The following MAF variants were observed in gnomAD, a reference collection of about 807,000 sequenced individuals.
MAF encodes transcription factor Maf.
Under a neutral mutation model 22.0 loss-of-function variants are expected in MAF, and 10 were observed. The ratio of observed to expected loss-of-function variants is 0.45; its 90% confidence interval spans 0.28 to 0.77. The LOEUF (loss-of-function observed/expected upper bound fraction) is 0.77, where lower values mean the gene tolerates loss of function less well. MAF is among the 30% of genes least tolerant of loss of function. The probability of loss-of-function intolerance (pLI) is 0.12; values close to 1 mark genes in which losing one functional copy is unlikely to be tolerated. For synonymous variants in MAF, 337 were observed against 255.8 expected, an observed-to-expected ratio of 1.32 and a Z score of -3.03; for missense variants, 544 against 548.4, an observed-to-expected ratio of 0.99 and a Z score of 0.08.
At chr16:79,554,591 G>A in the MAF span, among the ~76,000 whole-genome samples, 2 of 152,078 alleles carry the variant, frequency 1.3e-5, no homozygotes, top group South Asian at 4.2e-4. Flanking sequence ...ACAAGTGAGG[G>A]CCCCTTTGTC....
chr16:79,227,343 CCT>C, the MAF span, among the ~76,000 whole-genome samples: 1 of 151,982 alleles, frequency 6.6e-6, no homozygotes, highest in Admixed American at 6.6e-5. Context: ...AGAAGGATAC[CCT>C]GTCTCACACA....
the MAF span, among the ~76,000 whole-genome samples, chr16:79,542,095 T>C: frequency 6.6e-5 from 10 of 152,206 alleles, 1 homozygote; most frequent in Admixed American, 6.5e-4. Flanking sequence ...TTTCAGTCTT[T>C]GGTGACAATT....
At chr16:79,461,413 C>T in the MAF span, among the ~76,000 whole-genome samples, 4 of 152,140 alleles carry the variant, frequency 2.6e-5, no homozygotes, top group African/African-American at 9.7e-5. Context: ...CTCCTTTACC[C>T]GATGGCTCCA....
the MAF span, among the ~76,000 whole-genome samples, chr16:79,257,121 G>A: frequency 1.4e-4 from 21 of 152,192 alleles, no homozygotes; most frequent in Admixed American, 5.2e-4. Flanking sequence ...AGGTTGCAGT[G>A]AGCCAAGATC....
At chr16:79,446,313 C>T in the MAF span, among the ~76,000 whole-genome samples, 1 of 152,040 alleles carries the variant, frequency 6.6e-6, no homozygotes, top group Non-Finnish European at 1.5e-5. Context: ...TTTGAACAGT[C>T]GCTTGTCCTC....
the MAF span, among the ~76,000 whole-genome samples, chr16:79,338,288 G>T: frequency 6.6e-6 from 1 of 152,164 alleles, no homozygotes; most frequent in South Asian, 2.1e-4. Flanking sequence ...GGCATTTAGG[G>T]GCTAAATCAC....
chr16:79,333,174 G>T, the MAF span, among the ~76,000 whole-genome samples: 2 of 152,186 alleles, frequency 1.3e-5, no homozygotes, highest in African/African-American at 4.8e-5. Flanking sequence ...CCTGGCTCTG[G>T]ACTGCGTTGT....
the MAF span, among the ~76,000 whole-genome samples, chr16:79,244,970 G>A: frequency 7.9e-5 from 12 of 152,122 alleles, 1 homozygote; most frequent in African/African-American, 1.4e-4. Context: ...ATGGGGAAAG[G>A]TTTCCCTATT....
the MAF span, among the ~76,000 whole-genome samples, chr16:79,475,405 G>C: frequency 7.0e-6 from 1 of 142,558 alleles, no homozygotes; most frequent in Non-Finnish European, 1.5e-5. Context: ...AAGTAGATTT[G>C]GGAGGCAAAT....
the MAF span, among the ~76,000 whole-genome samples, chr16:79,362,819 A>T: frequency 6.6e-6 from 1 of 152,244 alleles, no homozygotes; most frequent in Non-Finnish European, 1.5e-5. Context: ...ACCTGCTCAA[A>T]GCAAGTGCTT....
the MAF span, among the ~76,000 whole-genome samples, chr16:79,557,759 A>G: frequency 2.0e-5 from 3 of 152,094 alleles, no homozygotes; most frequent in African/African-American, 7.3e-5. Context: ...ATATGTGTTA[A>G]GTGCCTACTG....
At chr16:79,570,293 C>A in the MAF span, among the ~76,000 whole-genome samples, 1 of 151,978 alleles carries the variant, frequency 6.6e-6, no homozygotes, top group East Asian at 1.9e-4. Flanking sequence ...CCAAAATGTC[C>A]TGTTATCCCC....
At position 79,600,276 on chromosome 16, in the gene MAF, G is replaced by GTGCGCGGCGTCCCCCGCTCGCCGCTCCGC. The variant is rs1913947187; in HGVS notation, c.-403_-375dup. Reference sequence around the variant, plus strand: ...GGCGAAGCTGGAGGAGCCCGGCCCGGTGCGCGGCGTCCCCCGCTCGCCGCT... The same window carrying GTGCGCGGCGTCCCCCGCTCGCCGCTCCGC: ...GGCGAAGCTGGAGGAGCCCGGCCCGGTGCGCGGCGTCCCCCGCTCGCCGCTCCGCTGCGCGGCGTCCCCCGCTCGCCGCT... On this transcript the variant is annotated 5_prime_UTR_variant, in exon 1 of 2. An upstream open reading frame in the 5' UTR loses its in-frame stop. Transcript: ENST00000326043. 4.4e-6 allele frequency: 1 copy of GTGCGCGGCGTCCCCCGCTCGCCGCTCCGC among 229,510 alleles called. No homozygotes were observed. Among genetic ancestry groups the GTGCGCGGCGTCCCCCGCTCGCCGCTCCGC allele is most frequent in the Admixed American group, 6.0e-5 (1 of 16,750 alleles). 14.2% of individuals were successfully genotyped at this position (229,510 alleles called of 1,614,324 possible). A position where few individuals can be genotyped will look rare whatever the true frequency, so the allele number is the denominator to read the frequency against.
chr16:79,283,178 A>T, the MAF span, among the ~76,000 whole-genome samples: 1 of 152,204 alleles, frequency 6.6e-6, no homozygotes, highest in South Asian at 2.1e-4. Context: ...GGATAGATGG[A>T]CGGATGAATG....
chr16:79,213,760 A>G, the MAF span, among the ~76,000 whole-genome samples: 1 of 151,876 alleles, frequency 6.6e-6, no homozygotes, highest in South Asian at 2.1e-4. Flanking sequence ...TCAGAGGAGA[A>G]GAAACTGCAC....
the MAF span, among the ~76,000 whole-genome samples, chr16:79,307,972 A>G: frequency 6.6e-6 from 1 of 152,214 alleles, no homozygotes; most frequent in Non-Finnish European, 1.5e-5. Context: ...ATTTGCAAAA[A>G]CAGAACTACC....
the MAF span, among the ~76,000 whole-genome samples, chr16:79,548,496 G>A: frequency 1.3e-5 from 2 of 152,174 alleles, no homozygotes; most frequent in African/African-American, 2.4e-5. Context: ...TCAATCTCTG[G>A]ATTTAAAGAT....
At chr16:79,383,435 G>T in the MAF span, among the ~76,000 whole-genome samples, 1 of 152,132 alleles carries the variant, frequency 6.6e-6, no homozygotes, top group East Asian at 1.9e-4. Context: ...ATGGGTTTCA[G>T]AATCTATATG....
the MAF span, among the ~76,000 whole-genome samples, chr16:79,233,860 TG>T: frequency 1.3e-5 from 2 of 151,720 alleles, no homozygotes; most frequent in African/African-American, 4.8e-5. Context: ...GGTGTGGTGG[TG>T]GGCACCTGTA....
Sources: gnomAD v4.1 joint callset for allele counts (sites outside exome capture counted in the v4.1 genomes callset) on GRCh38, gnomAD v4.1.1 for gene constraint, MANE v1.5 for transcripts, NCBI Gene and HGNC (gene_info 2026-07-23, HGNC 2026-07-21) for gene names.